The following MIA2 variants were observed in gnomAD, a reference collection of about 807,000 sequenced individuals.
MIA2 encodes the protein melanoma inhibitory activity protein 2.
A neutral mutation model predicts 167.8 loss-of-function variants in MIA2; 127 were observed. That is an observed-to-expected ratio of 0.76 (90% CI 0.66 to 0.88). The LOEUF (loss-of-function observed/expected upper bound fraction) is 0.88. Among genes scored for constraint, MIA2 ranks in the 40% least tolerant of loss-of-function variants. The pLI is 0.00. For missense variants in MIA2, 1,690 were observed against 1,624.7 expected (o/e 1.04, Z -0.69); for synonymous variants, 552 against 541.9 (o/e 1.02, Z -0.26).
At position 39,287,386 on chromosome 14, in the gene MIA2, G is replaced by A. The variant is rs535538792; in HGVS notation, c.2131-3633G>A. ...CACCGCACCCAGCCCTTCCAGTACT[G>A]TTTTGAATAGAAGTGGTGGTTGTGG... On this transcript the variant is annotated intron_variant, in intron 9 of 28. Transcript: ENST00000640607. Among the ~76,000 whole-genome samples, 34 of 151,690 alleles carry A rather than the reference G, an allele frequency of 2.2e-4. 1 individual carries two copies. Among genetic ancestry groups the A allele is most frequent in the Admixed American group, 1.6e-3 (24 of 15,236 alleles).
downstream of MIA2, among the ~76,000 whole-genome samples, chr14:39,352,094 C>T (rs2074402574): frequency 1.3e-5 from 2 of 151,984 alleles, no homozygotes; most frequent in African/African-American, 4.8e-5. Context: ...TATACAATTT[C>T]CCCTTCTTAC....
chr14:39,351,201 C>G (rs1206322415), downstream of MIA2: 4 of 151,762 alleles, frequency 2.6e-5, no homozygotes, highest in African/African-American at 7.3e-5. Context: ...TAACGTTGCC[C>G]AGTTGGTTGT....
At chr14:39,290,007 C>T (rs1351202038) in intron 9 of MIA2, among the ~76,000 whole-genome samples, 1 of 152,130 alleles carries the variant, frequency 6.6e-6, no homozygotes, top group Admixed American at 6.5e-5. Flanking sequence ...TTGGGCCCAC[C>T]AAAATAATTC....
intron 9 of MIA2, among the ~76,000 whole-genome samples, chr14:39,289,889 A>G (rs1182103501): frequency 6.6e-6 from 1 of 152,148 alleles, no homozygotes; most frequent in South Asian, 2.1e-4. Context: ...GTCTACCAAC[A>G]TTTCTTGGCT....
chr14:39,363,201 CTG>C (rs1258957629), intron 23 of MIA2, among the ~76,000 whole-genome samples: 3 of 152,138 alleles, frequency 2.0e-5, no homozygotes, highest in Non-Finnish European at 4.4e-5. Context: ...CTGTAAATAT[CTG>C]TTATGTCTAT....
At chr14:39,272,225 G>A (rs927261256) in intron 6 of MIA2, among the ~76,000 whole-genome samples, 7 of 152,070 alleles carry the variant, frequency 4.6e-5, no homozygotes, top group Non-Finnish European at 8.8e-5. Context: ...GGTGGTGTGC[G>A]TCTGTAATCC....
intron 2 of MIA2, among the ~76,000 whole-genome samples, chr14:39,238,177 G>GT (rs553000757): frequency 0.21 from 30,754 of 144,970 alleles, 3,121 homozygotes; most frequent in Middle Eastern, 0.29. Flanking sequence ...AGGTGTACAA[G>GT]TTTTTTTTTT....
chr14:39,264,352 G>A (rs1235195528), intron 6 of MIA2, among the ~76,000 whole-genome samples: 2 of 152,134 alleles, frequency 1.3e-5, no homozygotes, highest in African/African-American at 4.8e-5. Flanking sequence ...ACCGTTGATG[G>A]GCACCTAGGG....
At chr14:39,337,037 A>G (rs891631703) in intron 25 of MIA2, among the ~76,000 whole-genome samples, 2 of 152,164 alleles carry the variant, frequency 1.3e-5, no homozygotes, top group African/African-American at 2.4e-5. Context: ...GATTACAGGC[A>G]CGAGCCATCG....
downstream of MIA2, chr14:39,350,790 A>G (rs966148042): frequency 1.4e-5 from 2 of 148,082 alleles, no homozygotes; most frequent in African/African-American, 5.2e-5. Context: ...GTTATGACAA[A>G]TGTGCTCTCT....
At chr14:39,337,647 G>C (rs1191613831) in intron 25 of MIA2, among the ~76,000 whole-genome samples, 1 of 152,064 alleles carries the variant, frequency 6.6e-6, no homozygotes, top group Non-Finnish European at 1.5e-5. Context: ...GCAACAATTT[G>C]GATGTATCTC....
chr14:39,239,792 G>GTTTAGT (rs2053958995), intron 2 of MIA2, among the ~76,000 whole-genome samples: 1 of 152,204 alleles, frequency 6.6e-6, no homozygotes, highest in South Asian at 2.1e-4. Flanking sequence ...AGTTCATGCA[G>GTTTAGT]TTAGCTGTTT....
intron 11 of MIA2, 91 bp from the exon 12 acceptor site, chr14:39,293,909 T>C: frequency 1.0e-6 from 1 of 965,872 alleles, no homozygotes; most frequent in Non-Finnish European, 1.6e-6. Flanking sequence ...CTTATGGAGC[T>C]AAAGTGTTAG....
At position 39,295,023 on chromosome 14, in the gene MIA2, G is replaced by C; in HGVS notation, c.2490G>C (p.Gln830His). 1.2e-6 allele frequency: 2 copies of C among 1,607,910 alleles called. No homozygotes were observed. Among genetic ancestry groups the C allele is most frequent in the Non-Finnish European group, 8.5e-7 (1 of 1,174,382 alleles). ...AAAATTCTCAACTTCAGGAAAGCCAGAAACAGGTTTGTGCTCCGTAGGGAC... is the reference window on the plus strand; with the variant it reads ...AAAATTCTCAACTTCAGGAAAGCCACAAACAGGTTTGTGCTCCGTAGGGAC... ...LNENSQLQES[Q>H]KQLLQEAEVW... The change falls in exon 13 of 29, where the codon CAG becomes CAC. Residue 830 changes from glutamine to histidine, a missense_variant. Gln to His is a conservative substitution (Grantham distance 24). Coordinates refer to ENST00000640607, the MANE Select transcript of MIA2 (RefSeq NM_001329214.4).
chr14:39,361,032 A>G (rs557907614), intron 23 of MIA2, among the ~76,000 whole-genome samples: 189 of 152,264 alleles, frequency 1.2e-3, no homozygotes, highest in East Asian at 9.6e-4. Flanking sequence ...TACCAATACT[A>G]TGCTGTTTTG....
chr14:39,233,989 AAACTTC>A lies in MIA2; in HGVS notation c.-122_-117del, dbSNP rs1285909485. The A allele has an allele frequency of 2.0e-6, 1 of 510,564 alleles. No individual in the cohort carries two copies. The highest frequency in any genetic ancestry group is 3.5e-6 in the Non-Finnish European group (1 of 289,128). 31.6% of individuals were successfully genotyped at this position (510,564 alleles called of 1,614,324 possible). ...AAAGGTAGTTATCAAGAGATTTTTA[AAACTTC>A]AACCCTTTTTCTCTTATAGTTAGTG... On this transcript the variant is annotated 5_prime_UTR_variant, in exon 1 of 29. Transcript: ENST00000640607.
At position 39,234,232 on chromosome 14, in the gene MIA2, A is replaced by C; in HGVS notation, c.115+3A>C. 6.3e-7 allele frequency: 1 copy of C among 1,587,230 alleles called. No homozygotes were observed. Among genetic ancestry groups the C allele is most frequent in the South Asian group, 1.1e-5 (1 of 89,134 alleles). The stretch of plus-strand genomic sequence containing the variant: ...ATGTGGTGACTTGGAATGTGAAGGT[A>C]AGTTTGCTTCCCCCGCTTCTTCTCC... On this transcript the variant is annotated splice_donor_region_variant and intron_variant, in intron 1 of 28. Transcript: ENST00000640607.
intron 6 of MIA2, chr14:39,268,892 C>A: frequency 3.7e-6 from 2 of 547,392 alleles, no homozygotes; most frequent in Non-Finnish European, 2.3e-6. Context: ...GTAACTTATT[C>A]ATGGAGGTAG....
At chr14:39,379,963 G>T (rs1041964106) in intron 23 of MIA2, among the ~76,000 whole-genome samples, 7 of 152,158 alleles carry the variant, frequency 4.6e-5, no homozygotes, top group Non-Finnish European at 4.4e-5. Context: ...CCTGCAGTGT[G>T]ATTGCTTTTC....
Sources: gnomAD v4.1 joint callset for allele counts (sites outside exome capture counted in the v4.1 genomes callset) on GRCh38, gnomAD v4.1.1 for gene constraint, MANE v1.5 for transcripts, NCBI Gene and HGNC (gene_info 2026-07-23, HGNC 2026-07-21) for gene names.